The following DLC1 variants were observed in gnomAD, a reference collection of about 807,000 sequenced individuals.
DLC1 encodes rho GTPase-activating protein 7.
Under a neutral mutation model 140.3 loss-of-function variants are expected in DLC1, and 54 were observed. That is an observed-to-expected ratio of 0.38 (90% CI 0.31 to 0.48). The LOEUF (loss-of-function observed/expected upper bound fraction) is 0.48, where lower values mean the gene tolerates loss of function less well. Ranked by LOEUF, DLC1 falls within the 20% of genes least tolerant of loss-of-function variation. The pLI is 0.96. For synonymous variants in DLC1, 986 were observed against 728.1 expected (o/e 1.35, Z -5.70); for missense variants, 2,536 against 1,907.0 (o/e 1.33, Z -6.14).
At chr8:13,283,219 G>T (rs976178857) in intron 5 of DLC1, among the ~76,000 whole-genome samples, 1 of 151,980 alleles carries the variant, frequency 6.6e-6, no homozygotes. Flanking sequence ...AAAGATTGCA[G>T]TGTCAACTAG....
At chr8:13,503,007 T>C (rs954980489) in intron 1 of DLC1, among the ~76,000 whole-genome samples, 1 of 152,240 alleles carries the variant, frequency 6.6e-6, no homozygotes, top group African/African-American at 2.4e-5. Context: ...ATTTCCAAAT[T>C]TGTGATATTC....
At chr8:13,468,115 T>C (rs913663309) in intron 2 of DLC1, among the ~76,000 whole-genome samples, 5 of 152,204 alleles carry the variant, frequency 3.3e-5, no homozygotes, top group African/African-American at 9.6e-5. Context: ...ATTTTATTTA[T>C]AGAAGAATTT....
intron 1 of DLC1, among the ~76,000 whole-genome samples, chr8:13,557,288 A>G (rs961995459): frequency 6.6e-6 from 1 of 152,114 alleles, no homozygotes; most frequent in Non-Finnish European, 1.5e-5. Context: ...AAATGGTGAG[A>G]TGCAGCAACA....
chr8:13,355,870 G>A (rs1359083741), intron 4 of DLC1, among the ~76,000 whole-genome samples: 2 of 151,712 alleles, frequency 1.3e-5, no homozygotes, highest in African/African-American at 2.4e-5. Flanking sequence ...AGATCATGAG[G>A]TCAGGAGATC....
intron 2 of DLC1, among the ~76,000 whole-genome samples, chr8:13,464,766 T>TATATATA (rs1563370459): frequency 9.6e-3 from 72 of 7,466 alleles, no homozygotes; most frequent in South Asian, 0.027. Flanking sequence ...ATATATATAT[T>TATATATA]TATATATATA....
At chr8:13,593,060 T>C (rs1226554765) in intron 1 of DLC1, among the ~76,000 whole-genome samples, 1 of 152,090 alleles carries the variant, frequency 6.6e-6, no homozygotes, top group South Asian at 2.1e-4. Context: ...CAGTCTGAAG[T>C]AGCAAGGCTG....
At chr8:13,443,422 G>A (rs191693339) in intron 2 of DLC1, among the ~76,000 whole-genome samples, 240 of 151,172 alleles carry the variant, frequency 1.6e-3, no homozygotes, top group African/African-American at 5.0e-3. Flanking sequence ...CACTTTGGGA[G>A]GCCAAGGCAG....
chr8:13,575,502 C>A (rs906543223), intron 1 of DLC1, among the ~76,000 whole-genome samples: 1 of 146,314 alleles, frequency 6.8e-6, no homozygotes, highest in Non-Finnish European at 1.5e-5. Flanking sequence ...TCCTGCCACA[C>A]CAAATAAGGG....
At chr8:13,334,057 G>C (rs1277655947) in intron 4 of DLC1, among the ~76,000 whole-genome samples, 4 of 152,180 alleles carry the variant, frequency 2.6e-5, no homozygotes, top group Admixed American at 6.5e-5. Context: ...AGGAAGAAGA[G>C]AAAATAAGGC....
chr8:13,521,995 G>C (rs1439088129), intron 1 of DLC1, among the ~76,000 whole-genome samples: 9 of 152,058 alleles, frequency 5.9e-5, no homozygotes, highest in Non-Finnish European at 1.0e-4. Flanking sequence ...GCCCTCAAAT[G>C]GTTCCATTTG....
At chr8:13,457,260 A>C (rs188544551) in intron 2 of DLC1, among the ~76,000 whole-genome samples, 48 of 152,210 alleles carry the variant, frequency 3.2e-4, no homozygotes, top group Non-Finnish European at 6.3e-4. Context: ...ATTTTGTTGA[A>C]TTATATAAAA....
chr8:13,115,896 G>C (rs1231647484), intron 5 of DLC1, among the ~76,000 whole-genome samples: 1 of 152,178 alleles, frequency 6.6e-6, no homozygotes, highest in Non-Finnish European at 1.5e-5. Flanking sequence ...ATGGGGTCCT[G>C]AGAGTAAGTT....
At chr8:13,356,762 A>G (rs1260922443) in intron 4 of DLC1, among the ~76,000 whole-genome samples, 2 of 152,246 alleles carry the variant, frequency 1.3e-5, no homozygotes, top group African/African-American at 2.4e-5. Flanking sequence ...TAAATTACAC[A>G]TCAATAACAG....
chr8:13,319,882 G>C (rs1833022388), intron 4 of DLC1, among the ~76,000 whole-genome samples: 1 of 129,978 alleles, frequency 7.7e-6, no homozygotes, highest in Non-Finnish European at 1.5e-5. Flanking sequence ...CAGTGCACTG[G>C]TGTAATCTTG....
At chr8:13,280,328 A>G (rs948570848) in intron 5 of DLC1, among the ~76,000 whole-genome samples, 3 of 150,072 alleles carry the variant, frequency 2.0e-5, no homozygotes, top group Admixed American at 1.3e-4. Context: ...GAGAATAATG[A>G]CATTATGCTT....
chr8:13,600,865 G>A (rs1795715684), intron 1 of DLC1, among the ~76,000 whole-genome samples: 1 of 151,246 alleles, frequency 6.6e-6, no homozygotes. Flanking sequence ...TTTGCCTATT[G>A]GTAATGTACA....
intron 5 of DLC1, among the ~76,000 whole-genome samples, chr8:13,299,660 A>C (rs566517728): frequency 6.6e-6 from 1 of 152,208 alleles, no homozygotes; most frequent in East Asian, 1.9e-4. Context: ...AAATAGAAAA[A>C]ATAGAAAATA....
At chr8:13,193,307 T>G (rs1826864818) in intron 5 of DLC1, among the ~76,000 whole-genome samples, 2 of 152,186 alleles carry the variant, frequency 1.3e-5, no homozygotes, top group Admixed American at 1.3e-4. Flanking sequence ...CAACATCTTA[T>G]TATCAAATGT....
chr8:13,112,972 C>A (rs1403449043), intron 6 of DLC1, among the ~76,000 whole-genome samples: 1 of 152,014 alleles, frequency 6.6e-6, no homozygotes, highest in Non-Finnish European at 1.5e-5. Flanking sequence ...ATGCCTATTA[C>A]CTATATGTGA....
Sources: allele counts gnomAD v4.1 joint callset (sites outside exome capture counted in the v4.1 genomes callset), GRCh38; gene constraint gnomAD v4.1.1; transcripts MANE v1.5; gene names NCBI Gene and HGNC (gene_info 2026-07-23, HGNC 2026-07-21).